The following FHOD1 variants were observed in gnomAD, a reference collection of about 807,000 sequenced individuals.
FHOD1 encodes the protein formin homology 2 domain containing 1, also known as FH1/FH2 domain-containing protein 1.
A neutral mutation model predicts 111.6 loss-of-function variants in FHOD1; 89 were observed. The observed-to-expected ratio is 0.80, with a 90% confidence interval of 0.67 to 0.95. The LOEUF (loss-of-function observed/expected upper bound fraction) is 0.95. Among genes scored for constraint, FHOD1 ranks in the 40% least tolerant of loss-of-function variants. FHOD1 has a pLI of 0.00. For synonymous variants in FHOD1, 618 were observed against 639.0 expected (o/e 0.97, Z 0.50); for missense variants, 1,446 against 1,554.2 (o/e 0.93, Z 1.17).
chr16:67,241,642 C>T (rs766284577), intron 1 of FHOD1, among the ~76,000 whole-genome samples: 5 of 152,186 alleles, frequency 3.3e-5, no homozygotes, highest in Non-Finnish European at 5.9e-5. Context: ...GTGGGGCAGA[C>T]GGGAAGACAG....
chr16:67,246,888 A>T, intron 1 of FHOD1: 1 of 338,890 alleles, frequency 3.0e-6, no homozygotes. Flanking sequence ...GCTACAGCCC[A>T]AGCGGCTACC....
rs371173821 is a variant in FHOD1 at position 67,247,389 on chromosome 16, C to A, written c.22G>T (p.Gly8Trp). MAGGEDRGDGEPVSVVTV... is the reference protein window; with the variant it reads MAGGEDRWDGEPVSVVTV... ...ACCACTGATACCGGCTCTCCGTCCCCGCGGTCTTCCCCGCCCGCCATGGCT... is the reference window on the plus strand; with the variant it reads ...ACCACTGATACCGGCTCTCCGTCCCAGCGGTCTTCCCCGCCCGCCATGGCT... The change falls in exon 1 of 22, where the codon GGG (glycine) becomes TGG (tryptophan). Residue 8 changes from glycine to tryptophan, a missense_variant. Transcript: ENST00000258201. The A allele has an allele frequency of 1.2e-5, 20 of 1,613,050 alleles. No homozygotes were observed. Among genetic ancestry groups the A allele is most frequent in the Non-Finnish European group, 1.7e-5 (20 of 1,179,680 alleles).
intron 1 of FHOD1, among the ~76,000 whole-genome samples, chr16:67,243,094 G>A (rs74899662): frequency 6.4e-4 from 98 of 152,126 alleles, no homozygotes; most frequent in Non-Finnish European, 1.1e-3. Context: ...AATCAGGTAA[G>A]ACTGAACATA....
intron 1 of FHOD1, among the ~76,000 whole-genome samples, chr16:67,244,539 G>A (rs2034756596): frequency 6.6e-6 from 1 of 152,118 alleles, no homozygotes; most frequent in Admixed American, 6.5e-5. Flanking sequence ...GAGGAAATGA[G>A]CAAGGCTTTC....
chr16:67,236,675 T>C lies in FHOD1; in HGVS notation c.1201A>G (p.Thr401Ala), dbSNP rs776209936. 7 of 1,603,128 alleles carry C rather than the reference T, an allele frequency of 4.4e-6. No homozygotes were observed. In the East Asian group the frequency reaches 1.6e-4, roughly 36 times the overall value. Residue 401 changes from threonine to alanine, a missense_variant, in exon 11 of 22, where the codon ACA becomes GCA. Thr to Ala is a moderately conservative substitution (Grantham distance 58). Transcript: ENST00000258201. ...PTSSTGPALL[T>A]GPASSPVGPP... Reference sequence around the variant, plus strand: ...CCCACAGGGCTGGAGGCGGGGCCTGTCAGCAGGGCGGGGCCGGTGGAAGAG... The same window carrying C: ...CCCACAGGGCTGGAGGCGGGGCCTGCCAGCAGGGCGGGGCCGGTGGAAGAG...
At chr16:67,239,314 G>A in intron 2 of FHOD1, 34 bp downstream of exon 2, 1 of 1,535,590 alleles carries the variant, frequency 6.5e-7, no homozygotes, top group Non-Finnish European at 9.0e-7. Flanking sequence ...AAGGGTGGGG[G>A]TAACCTTGCC....
chr16:67,236,425 T>G lies in FHOD1; in HGVS notation c.1319+132A>C, dbSNP rs56026046. ...CAGTCACTTACCAAACGGAAGCAGT[T>G]TGGTGAAGTCTGGAAAGAGAGAGAG... is the stretch of plus-strand genomic sequence containing the variant. On this transcript the variant is annotated intron_variant, in intron 11 of 21. Transcript: ENST00000258201. 1.1e-3 allele frequency: 1,569 copies of G among 1,483,730 alleles called. 9 individuals are homozygous for G. The African/African-American group carries it at 0.016, about 15-fold the overall frequency. 91.9% of individuals were successfully genotyped at this position (1,483,730 alleles called of 1,614,324 possible).
At chr16:67,233,598 C>G in intron 13 of FHOD1, 59 bp downstream of exon 13, 2 of 1,519,970 alleles carry the variant, frequency 1.3e-6, no homozygotes, top group African/African-American at 1.4e-5. Context: ...AGGTCAGATC[C>G]TTAAGCTCTG....
intron 1 of FHOD1, among the ~76,000 whole-genome samples, chr16:67,240,281 C>T (rs2034629099): frequency 6.6e-6 from 1 of 152,334 alleles, no homozygotes; most frequent in South Asian, 2.1e-4. Context: ...AATCTCAGCA[C>T]TTTGGGAGGC....
At position 67,236,720 on chromosome 16, in the gene FHOD1, C is replaced by T; in HGVS notation, c.1156G>A (p.Ala386Thr). Residue 386 changes from alanine to threonine, a missense_variant, in exon 11 of 22, where the codon GCC becomes ACC. By Grantham distance (58) the Ala-to-Thr change is moderately conservative (BLOSUM62 0). This residue lies in a region of FHOD1 where 1,085 missense variants were observed against 1,108.8 expected (regional missense o/e 0.98). Coordinates refer to ENST00000258201, the MANE Select transcript of FHOD1 (RefSeq NM_013241.3). ...RAPEPGPTGP[A>T]SPVGPTSSTG... ...GAAGAGGTGGGGCCTACCGGTGAGG[C>T]GGGGCCTGTGGGGCTGAAAGCAGGG... 1.6e-6 allele frequency: 2 copies of T among 1,237,540 alleles called. No individual in the cohort carries two copies. Among genetic ancestry groups the T allele is most frequent in the Non-Finnish European group, 2.1e-6 (2 of 967,360 alleles). The allele number at this position is 1,237,540 out of a possible 1,614,324, so 76.7% of individuals were successfully genotyped here.
intron 2 of FHOD1, 102 bp from the exon 3 acceptor site, chr16:67,239,069 GCTTGTTCCTCC>G: frequency 1.7e-6 from 2 of 1,160,902 alleles, no homozygotes; most frequent in Non-Finnish European, 2.5e-6. Context: ...CCCCAGCCCA[GCTTGTTCCTCC>G]CAGCTGCTCC....
chr16:67,247,273 G>A lies in FHOD1; in HGVS notation c.138C>T (p.Asp46=). The change falls in exon 1 of 22, where the codon GAC becomes GAT. Residue 46 remains aspartate (D), a synonymous_variant. Coordinates refer to ENST00000258201, the MANE Select transcript of FHOD1 (RefSeq NM_013241.3). Reference sequence around the variant, plus strand: ...TCTGCGCGCCCAAGGGCAGCGCCCCGTCCAGGCTGCAGGTGGGGGCCCGGC... The same window carrying A: ...TCTGCGCGCCCAAGGGCAGCGCCCCATCCAGGCTGCAGGTGGGGGCCCGGC... ...EPRRAPTCSL[D]GALPLGAQIP... is the part of the protein sequence containing the mutation. 1 of 1,612,160 alleles carries A rather than the reference G, an allele frequency of 6.2e-7. No homozygotes were observed. Among genetic ancestry groups the A allele is most frequent in the Non-Finnish European group, 8.5e-7 (1 of 1,179,468 alleles).
rs2034356399 is a variant in FHOD1, at chr16:67,233,561, T to C, written c.2046+96A>G. 2 of 1,447,790 alleles carry C rather than the reference T, an allele frequency of 1.4e-6. No homozygotes were observed. The highest frequency in any genetic ancestry group is 2.7e-5 in the Admixed American group (1 of 37,432). 89.7% of individuals were successfully genotyped at this position (1,447,790 alleles called of 1,614,324 possible). A position where few individuals can be genotyped will look rare whatever the true frequency, so the allele number is the denominator to read the frequency against. On this transcript the variant is annotated intron_variant, in intron 13 of 21. Coordinates refer to ENST00000258201, the MANE Select transcript of FHOD1 (RefSeq NM_013241.3). ...TCCTTTCTTTGCCTTGGTTTCCCCA[T>C]GTGGGAAGTGAGTGACTAGCTCCAA...
At chr16:67,230,867 C>A in intron 17 of FHOD1, 76 bp from the exon 18 acceptor site, 1 of 1,453,528 alleles carries the variant, frequency 6.9e-7, no homozygotes. Context: ...TGCTTCTGGG[C>A]CAGAGTGGCC....
chr16:67,229,439 CACACAT>C lies in FHOD1; in HGVS notation c.*191_*196del. ...TTGCTCCGTGCGTTCAAGGAGCTCACACACATGCACATGCATATGCATGCACACACA... is the reference window on the plus strand; with the variant it reads ...TTGCTCCGTGCGTTCAAGGAGCTCACGCACATGCATATGCATGCACACACA... On this transcript the variant is annotated 3_prime_UTR_variant, in exon 22 of 22. Coordinates refer to ENST00000258201, the MANE Select transcript of FHOD1 (RefSeq NM_013241.3). The C allele has an allele frequency of 1.6e-6, 1 of 613,694 alleles. No homozygotes were observed. Among genetic ancestry groups the C allele is most frequent in the Non-Finnish European group, 2.9e-6 (1 of 342,200 alleles). The allele number at this position is 613,694 out of a possible 1,614,324, so 38.0% of individuals were successfully genotyped here. A position where few individuals can be genotyped will look rare whatever the true frequency, so the allele number is the denominator to read the frequency against.
Position 67,231,261 on chromosome 16 carries a change from G to C in FHOD1, c.2594C>G (p.Ser865Cys). The change falls in exon 17 of 22, where the codon TCC becomes TGC. Residue 865 changes from serine to cysteine, a missense_variant. Transcript: ENST00000258201. The surrounding 1 kb of genome is among the most constrained non-coding windows in gnomAD (Gnocchi z 4.3). ...CTCAGGCCGGGTCTGGAGCACTAGG[G>C]AGCAGAGATGGTGTAGCAGTGACTG... ...RRQSLLHHLCSLVLQTRPESS... is the reference protein window; with the variant it reads ...RRQSLLHHLCCLVLQTRPESS... 6.2e-7 allele frequency: 1 copy of C among 1,614,220 alleles called. No individual in the cohort carries two copies. Among genetic ancestry groups the C allele is most frequent in the Non-Finnish European group, 8.5e-7 (1 of 1,180,040 alleles).
At chr16:67,243,995 G>C (rs559798583) in intron 1 of FHOD1, among the ~76,000 whole-genome samples, 1 of 152,248 alleles carries the variant, frequency 6.6e-6, no homozygotes, top group African/African-American at 2.4e-5. Flanking sequence ...TCTCCCAAAG[G>C]CTCCTGAGAT....
chr16:67,238,334 G>A lies in FHOD1; in HGVS notation c.442-27C>T. ...TAGAGGCACCATGGGGGAGTTTAGGGAAGCTTGGGCTACACACTTACCCCC... is the reference window on the plus strand; with the variant it reads ...TAGAGGCACCATGGGGGAGTTTAGGAAAGCTTGGGCTACACACTTACCCCC... On this transcript the variant is annotated intron_variant, in intron 4 of 21. Coordinates refer to ENST00000258201, the MANE Select transcript of FHOD1 (RefSeq NM_013241.3). This position sits in a 1 kb window ranked among gnomAD's most constrained non-coding sequence, Gnocchi z 4.2. 1 of 1,613,934 alleles carries A rather than the reference G, an allele frequency of 6.2e-7. No individual in the cohort carries two copies. Among genetic ancestry groups the A allele is most frequent in the Non-Finnish European group, 8.5e-7 (1 of 1,179,828 alleles).
At position 67,236,399 on chromosome 16, in the gene FHOD1, G is replaced by A. The variant is rs1409102860; in HGVS notation, c.1319+158C>T. ...AGTCAGAGCCGAACCCCACCCGCTG[G>A]CAGTCACTTACCAAACGGAAGCAGT... is the stretch of plus-strand genomic sequence containing the variant. On this transcript the variant is annotated intron_variant, in intron 11 of 21. Transcript: ENST00000258201. 4.8e-6 allele frequency: 7 copies of A among 1,461,668 alleles called. No individual in the cohort carries two copies. In the East Asian group the frequency reaches 1.2e-4, roughly 26 times the overall value. The allele number at this position is 1,461,668 out of a possible 1,614,324, so 90.5% of individuals were successfully genotyped here.
Sources: allele counts gnomAD v4.1 joint callset (sites outside exome capture counted in the v4.1 genomes callset), GRCh38; gene constraint gnomAD v4.1.1; regional missense constraint gnomAD v4.1.1; non-coding constraint Gnocchi (gnomAD v3.1); transcripts MANE v1.5; gene names NCBI Gene and HGNC (gene_info 2026-07-23, HGNC 2026-07-21).